Variants in ACSBG1 observed in about 807,000 individuals in gnomAD.
The protein encoded by ACSBG1 is long-chain-fatty-acid--CoA ligase ACSBG1.
Under a neutral mutation model 80.2 loss-of-function variants are expected in ACSBG1, and 39 were observed. The observed-to-expected ratio is 0.49, with a 90% confidence interval of 0.38 to 0.64. The LOEUF (loss-of-function observed/expected upper bound fraction) is 0.64. Among genes scored for constraint, ACSBG1 ranks in the 30% least tolerant of loss-of-function variants. The probability of loss-of-function intolerance (pLI) is 0.00; values close to 1 mark genes in which losing one functional copy is unlikely to be tolerated. For synonymous variants in ACSBG1, 392 were observed against 379.5 expected (o/e 1.03, Z -0.38); for missense variants, 828 against 966.4 (o/e 0.86, Z 1.90).
chr15:78,199,308 C>T (rs550357040), intron 2 of ACSBG1, among the ~76,000 whole-genome samples: 1 of 151,910 alleles, frequency 6.6e-6, no homozygotes, highest in Non-Finnish European at 1.5e-5. Context: ...TGGTATCGAA[C>T]TCCTGAGTTC....
At chr15:78,195,698 T>G (rs1278867547) in intron 2 of ACSBG1, among the ~76,000 whole-genome samples, 1 of 152,212 alleles carries the variant, frequency 6.6e-6, no homozygotes, top group African/African-American at 2.4e-5. Context: ...TTTCCAAATT[T>G]GCAAAGGAAG....
chr15:78,193,455 G>C, intron 5 of ACSBG1, 51 bp downstream of exon 5: 2 of 1,567,260 alleles, frequency 1.3e-6, no homozygotes, highest in Non-Finnish European at 1.7e-6. Context: ...GAGTGGAGGT[G>C]CATGGGGATA....
intron 2 of ACSBG1, among the ~76,000 whole-genome samples, chr15:78,206,645 C>T (rs993354179): frequency 6.6e-6 from 1 of 152,138 alleles, no homozygotes; most frequent in African/African-American, 2.4e-5. Context: ...CTCATCTGGC[C>T]CCTGGCTGCT....
chr15:78,173,729 C>T lies in ACSBG1; in HGVS notation c.1953G>A (p.Glu651=), dbSNP rs572055354. ...CCTGGTACACGGCCTCATCCTTCTT[C>T]TCTATGATCTCGGACACTGTGGTGG... The part of the protein sequence containing the change: ...SRATTVSEII[E]KKDEAVYQAI... Residue 651 remains glutamate, a synonymous_variant, in exon 13 of 14, where the codon GAG becomes GAA. Coordinates refer to ENST00000258873, the MANE Select transcript of ACSBG1 (RefSeq NM_015162.5). 1 of 1,614,246 alleles carries T rather than the reference C, an allele frequency of 6.2e-7. No individual in the cohort carries two copies. The highest frequency in any genetic ancestry group is 1.1e-5 in the South Asian group (1 of 91,078).
chr15:78,182,009 C>T lies in ACSBG1; in HGVS notation c.1031G>A (p.Trp344Ter), dbSNP rs942945597. 3.1e-6 allele frequency: 5 copies of T among 1,614,174 alleles called. No homozygotes were observed. ...QIYDLWTGIQ[W>*]GAQVCFAEPD... Reference sequence around the variant, plus strand: ...TTCGGCAAAGCAAACCTGGGCCCCCCACTGGATGCCTGTCCACAGGTCGTA... The same window carrying T: ...TTCGGCAAAGCAAACCTGGGCCCCCTACTGGATGCCTGTCCACAGGTCGTA... The change falls in exon 8 of 14, where the codon TGG (tryptophan) becomes TAG (stop). Residue 344 changes from tryptophan (W) to a stop codon, truncating the protein, a stop_gained. Coordinates refer to ENST00000258873, the MANE Select transcript of ACSBG1 (RefSeq NM_015162.5). LOFTEE classifies it high-confidence loss of function.
Position 78,200,280 on chromosome 15 carries a change from G to C in ACSBG1, c.233-5554C>G, listed in dbSNP as rs545134023. Among the ~76,000 whole-genome samples, 52 of 152,170 alleles carry C rather than the reference G, an allele frequency of 3.4e-4. 1 individual carries two copies. The highest frequency in any genetic ancestry group is 1.2e-3 in the African/African-American group (49 of 41,518). On this transcript the variant is annotated intron_variant, in intron 2 of 13. Transcript: ENST00000258873. ...TATTAGTCCAGCTGTTTCATGACAGGGACAAGAGCCCTAGCTCTGGAGGAC... is the reference window on the plus strand; with the variant it reads ...TATTAGTCCAGCTGTTTCATGACAGCGACAAGAGCCCTAGCTCTGGAGGAC...
intron 2 of ACSBG1, among the ~76,000 whole-genome samples, chr15:78,200,090 C>T (rs2075153044): frequency 2.0e-5 from 3 of 152,166 alleles, no homozygotes; most frequent in Non-Finnish European, 1.5e-5. Context: ...CAGAATTCTT[C>T]ACCTAATTTC....
rs749606307 is a variant in ACSBG1, at chr15:78,174,485, A to G, written c.1742T>C (p.Val581Ala). Residue 581 changes from valine (V) to alanine (A), a missense_variant, in exon 12 of 14, where the codon GTG becomes GCG. Val to Ala is a moderately conservative substitution (Grantham distance 64). This residue lies in a region of ACSBG1 where 201 missense variants were observed against 227.0 expected (regional missense o/e 0.89). Coordinates refer to ENST00000258873, the MANE Select transcript of ACSBG1 (RefSeq NM_015162.5). ...CATCTTCACGGCCTCCTCGATGGGC[A>G]CAGGGGGCACATTCTCCCCACCAGC... ...ITAGGENVPP[V>A]PIEEAVKMEL... The G allele has an allele frequency of 6.2e-7, 1 of 1,614,178 alleles. No homozygotes were observed. Among genetic ancestry groups the G allele is most frequent in the East Asian group, 2.2e-5 (1 of 44,884 alleles).
rs749878752 is a variant in ACSBG1 at position 78,194,015 on chromosome 15, G to T, written c.459C>A (p.Gly153=). ...RRAAKGFLKL[G]LKQAHSVAIL... ...TGGCCACACTGTGGGCCTGCTTCAGGCCGAGCTCCAGGTCAAAGGCAGACA... is the reference window on the plus strand; with the variant it reads ...TGGCCACACTGTGGGCCTGCTTCAGTCCGAGCTCCAGGTCAAAGGCAGACA... The change falls in exon 4 of 14, where the codon GGC becomes GGA. Residue 153 remains glycine, a synonymous_variant. Transcript: ENST00000258873. 9.9e-6 allele frequency: 16 copies of T among 1,613,966 alleles called. 1 individual carries two copies. The South Asian group carries it at 1.8e-4, about 18-fold the overall frequency.
chr15:78,172,356 A>AT lies in ACSBG1; in HGVS notation c.2090-828dup, dbSNP rs1430336367. On this transcript the variant is annotated intron_variant, in intron 13 of 13. Coordinates refer to ENST00000258873, the MANE Select transcript of ACSBG1 (RefSeq NM_015162.5). The surrounding 1 kb of genome is among the most constrained non-coding windows in gnomAD (Gnocchi z 4.1). ...TGTGAACGTTTATACAACGTTGGAC[A>AT]TTATGCTTTGATGGTTGTGATGGGG... 6.6e-6 allele frequency among the ~76,000 whole-genome samples: 1 copy of AT among 152,236 alleles called. No homozygotes were observed. Among genetic ancestry groups the AT allele is most frequent in the Non-Finnish European group, 1.5e-5 (1 of 68,028 alleles).
chr15:78,216,236 C>T (rs1032006509), intron 1 of ACSBG1, among the ~76,000 whole-genome samples: 2 of 152,050 alleles, frequency 1.3e-5, no homozygotes, highest in Non-Finnish European at 2.9e-5. Context: ...TTGCATGGGA[C>T]GAGGGGGTAT....
chr15:78,204,631 T>C (rs1595894508), intron 2 of ACSBG1, among the ~76,000 whole-genome samples: 1 of 152,216 alleles, frequency 6.6e-6, no homozygotes, highest in East Asian at 1.9e-4. Flanking sequence ...TTCCATATCA[T>C]GGAGAAGGAA....
chr15:78,182,725 T>G lies in ACSBG1; in HGVS notation c.724A>C (p.Lys242Gln). The G allele has an allele frequency of 1.2e-6, 2 of 1,614,250 alleles. No individual in the cohort carries two copies. The highest frequency in any genetic ancestry group is 8.5e-7 in the Non-Finnish European group (1 of 1,180,038). The change falls in exon 6 of 14, where the codon AAG (lysine) becomes CAG (glutamine). Residue 242 changes from lysine (K) to glutamine (Q), a missense_variant. By Grantham distance (53) the Lys-to-Gln change is moderately conservative. Around this residue, in one of 3 missense-constraint regions of ACSBG1, gnomAD observed 356 missense variants for 363.5 expected, o/e 0.98. Transcript: ENST00000258873. ...VVIYKEPPPN[K>Q]MANVYTMEEF... ...CATACCGTGTACACATTGGCCATCTTGTTTGGAGGAGGTTCTTTATATATC... is the reference window on the plus strand; with the variant it reads ...CATACCGTGTACACATTGGCCATCTGGTTTGGAGGAGGTTCTTTATATATC...
At chr15:78,199,899 A>T (rs181779712) in intron 2 of ACSBG1, among the ~76,000 whole-genome samples, 5 of 152,278 alleles carry the variant, frequency 3.3e-5, no homozygotes, top group Admixed American at 3.3e-4. Flanking sequence ...CATTGTGTGC[A>T]TGCTGTGTGG....
intron 5 of ACSBG1, among the ~76,000 whole-genome samples, chr15:78,191,436 C>A (rs2075056133): frequency 6.6e-6 from 1 of 152,168 alleles, no homozygotes; most frequent in African/African-American, 2.4e-5. Flanking sequence ...ATAGAACCTT[C>A]TAGCCAACAA....
chr15:78,233,263 G>A (rs2075463353), intron 1 of ACSBG1, among the ~76,000 whole-genome samples: 1 of 152,240 alleles, frequency 6.6e-6, no homozygotes, highest in Non-Finnish European at 1.5e-5. Context: ...TGGATTAGCA[G>A]GGTTCTCTGG....
chr15:78,181,945 G>GGC lies in ACSBG1; in HGVS notation c.1071+23_1071+24insGC, dbSNP rs202094456. 5.5e-3 allele frequency: 8,910 copies of GGC among 1,609,074 alleles called. 700 individuals are homozygous for GGC. The Admixed American group carries it at 0.13, about 24-fold the overall frequency. ...GTGGCCTGGCACACGGGCTCAGACG[G>GGC]ACACACGGTAAAGGCAGACTGACCT... is the stretch of plus-strand genomic sequence containing the variant. On this transcript the variant is annotated intron_variant, in intron 8 of 13. Transcript: ENST00000258873.
chr15:78,196,591 C>T (rs1279001774), intron 2 of ACSBG1, among the ~76,000 whole-genome samples: 1 of 152,138 alleles, frequency 6.6e-6, no homozygotes, highest in Non-Finnish European at 1.5e-5. Context: ...TACAGTACGA[C>T]CCAACAACTC....
intron 1 of ACSBG1, among the ~76,000 whole-genome samples, chr15:78,227,419 A>G (rs929268361): frequency 6.6e-6 from 1 of 152,160 alleles, no homozygotes; most frequent in Non-Finnish European, 1.5e-5. Flanking sequence ...TTTACAAAAG[A>G]AGACATGGAA....
Sources: allele counts gnomAD v4.1 joint callset (sites outside exome capture counted in the v4.1 genomes callset), GRCh38; gene constraint gnomAD v4.1.1; regional missense constraint gnomAD v4.1.1; non-coding constraint Gnocchi (gnomAD v3.1); transcripts MANE v1.5; gene names NCBI Gene and HGNC (gene_info 2026-07-23, HGNC 2026-07-21).